Variants in CBR4 observed in about 807,000 individuals in gnomAD.
The protein encoded by CBR4 is 3-oxoacyl-[acyl-carrier-protein] reductase.
A neutral mutation model predicts 21.0 loss-of-function variants in CBR4; 22 were observed. The ratio of observed to expected loss-of-function variants is 1.05; its 90% CI spans 0.75 to 1.50. The LOEUF (loss-of-function observed/expected upper bound fraction) is 1.50. CBR4 is among the 40% of genes most tolerant of loss of function. The pLI is 0.00. For missense variants in CBR4, 302 were observed against 286.3 expected, an observed-to-expected ratio of 1.05 and a Z score of -0.40; for synonymous variants, 100 against 104.4, an observed-to-expected ratio of 0.96 and a Z score of 0.26.
At chr4:168,898,761 G>C (rs760364385) in intron 2 of CBR4, 17 of 1,280,814 alleles carry the variant, frequency 1.3e-5, no homozygotes, top group African/African-American at 2.9e-5. Context: ...TCTGAGGAAA[G>C]GTTTAGCTTC....
chr4:168,971,640 T>TA (rs1202954656), intron 2 of CBR4, among the ~76,000 whole-genome samples: 1 of 152,024 alleles, frequency 6.6e-6, no homozygotes, highest in Non-Finnish European at 1.5e-5. Context: ...CACTTTATGA[T>TA]AGGATTATTT....
chr4:168,969,588 A>C (rs1560969785), intron 2 of CBR4, among the ~76,000 whole-genome samples: 1 of 152,216 alleles, frequency 6.6e-6, no homozygotes, highest in Non-Finnish European at 1.5e-5. Flanking sequence ...AGTGGGACTC[A>C]ACCTGCCACT....
At chr4:168,958,044 C>A (rs1293059860) in intron 2 of CBR4, among the ~76,000 whole-genome samples, 1 of 152,102 alleles carries the variant, frequency 6.6e-6, no homozygotes, top group Non-Finnish European at 1.5e-5. Flanking sequence ...TTATAAATTA[C>A]CCACGAGGTC....
chr4:168,966,211 T>A (rs1327345710), intron 2 of CBR4, among the ~76,000 whole-genome samples: 1 of 152,034 alleles, frequency 6.6e-6, no homozygotes, highest in Non-Finnish European at 1.5e-5. Context: ...CTCATGCCAG[T>A]TAGAATGGCG....
Position 168,918,325 on chromosome 4 carries a change from G to GAGAGAT in CBR4, n.170-23561_170-23560insATCTCT, listed in dbSNP as rs1553981956. ...AGATGAATGAATAAAGAAAATATGAGATATATATATATATACATACATACA... is the reference window on the plus strand; with the variant it reads ...AGATGAATGAATAAAGAAAATATGAGAGAGATATATATATATATATACATACATACA... On this transcript the variant is annotated intron_variant and non_coding_transcript_variant, in intron 2 of 3. Transcript: ENST00000509108. Among the ~76,000 whole-genome samples the GAGAGAT allele has an allele frequency of 1.7e-3, 251 of 149,558 alleles. 2 individuals carry two copies. The highest frequency in any genetic ancestry group is 5.9e-3 in the African/African-American group (243 of 41,010).
At chr4:168,944,925 G>A (rs1303166923) in intron 2 of CBR4, among the ~76,000 whole-genome samples, 1 of 152,148 alleles carries the variant, frequency 6.6e-6, no homozygotes, top group Non-Finnish European at 1.5e-5. Context: ...GACATTTCAT[G>A]ACTTCATTTG....
chr4:168,916,709 TCTCA>T (rs1178405844), intron 2 of CBR4, among the ~76,000 whole-genome samples: 1 of 135,386 alleles, frequency 7.4e-6, no homozygotes, highest in Non-Finnish European at 1.5e-5. Flanking sequence ...TGAGACAGAG[TCTCA>T]CTCTGTCACC....
At chr4:168,964,575 A>G (rs958009004) in intron 2 of CBR4, among the ~76,000 whole-genome samples, 1 of 152,208 alleles carries the variant, frequency 6.6e-6, no homozygotes, top group Non-Finnish European at 1.5e-5. Context: ...AACCACACAG[A>G]AGTCACTATC....
chr4:168,981,970 C>G (rs1013550526), intron 2 of CBR4, among the ~76,000 whole-genome samples: 12 of 152,170 alleles, frequency 7.9e-5, no homozygotes, highest in African/African-American at 2.7e-4. Flanking sequence ...CACTCAAGTA[C>G]ACACTCTATT....
downstream of CBR4, among the ~76,000 whole-genome samples, chr4:168,984,204 G>C (rs1005645229): frequency 2.0e-5 from 3 of 151,890 alleles, no homozygotes; most frequent in Non-Finnish European, 4.4e-5. Flanking sequence ...ACATCTTCTG[G>C]AAAGTTTCAG....
rs148763609 is a variant in CBR4, at chr4:168,929,765, C to A, written n.170-35000G>T. Among the ~76,000 whole-genome samples the A allele has an allele frequency of 5.3e-3, 803 of 152,258 alleles. 3 individuals are homozygous for A. Among genetic ancestry groups the A allele is most frequent in the Middle Eastern group, 0.034 (10 of 294 alleles). On this transcript the variant is annotated intron_variant and non_coding_transcript_variant, in intron 2 of 3. Coordinates refer to the CBR4 transcript ENST00000509108. ...TTGGAAAATGGAGATTAAAATAGCACCCCTCTCTTTGTGCTGCTGTGAAGA... is the reference window on the plus strand; with the variant it reads ...TTGGAAAATGGAGATTAAAATAGCAACCCTCTCTTTGTGCTGCTGTGAAGA...
intron 2 of CBR4, chr4:168,913,824 T>C: frequency 1.2e-6 from 1 of 850,440 alleles, no homozygotes; most frequent in East Asian, 2.5e-5. Flanking sequence ...TACTGAATTT[T>C]TTATGAAATA....
chr4:168,974,065 T>TTTTC (rs1764295784), intron 2 of CBR4, among the ~76,000 whole-genome samples: 1 of 152,218 alleles, frequency 6.6e-6, no homozygotes, highest in African/African-American at 2.4e-5. Flanking sequence ...TATTTCAAGA[T>TTTTC]TTTCTTTCAA....
intron 2 of CBR4, among the ~76,000 whole-genome samples, chr4:168,919,610 G>A (rs913358502): frequency 4.0e-4 from 60 of 151,882 alleles, no homozygotes; most frequent in Admixed American, 7.9e-4. Flanking sequence ...TTTGAAAGGG[G>A]AAAAAATCCT....
chr4:168,940,313 G>A (rs1763227470), intron 2 of CBR4, among the ~76,000 whole-genome samples: 2 of 152,160 alleles, frequency 1.3e-5, no homozygotes, highest in Admixed American at 1.3e-4. Flanking sequence ...AGACTGAAAT[G>A]TAAGACCTAA....
At chr4:168,937,408 G>A (rs1053172304) in intron 2 of CBR4, among the ~76,000 whole-genome samples, 3 of 151,854 alleles carry the variant, frequency 2.0e-5, no homozygotes, top group Non-Finnish European at 2.9e-5. Context: ...ATCAACTAAC[G>A]GGCAAAATAA....
chr4:168,916,091 A>G (rs543534073), intron 2 of CBR4: 46 of 1,479,752 alleles, frequency 3.1e-5, no homozygotes, highest in Non-Finnish European at 4.0e-5. Context: ...CCATTTCTCT[A>G]TAGTTCCTTT....
downstream of CBR4, among the ~76,000 whole-genome samples, chr4:168,985,520 C>T (rs1764661271): frequency 6.6e-6 from 1 of 152,160 alleles, no homozygotes; most frequent in East Asian, 1.9e-4. Context: ...CCATTTGATT[C>T]AGCAATCCCA....
chr4:168,949,165 T>C lies in CBR4; in HGVS notation n.169+52906A>G, dbSNP rs1215485733. ...TTGAGTTCTTGATTTGATTCTCTGC[T>C]TGGTTGTTTTTGGTGTGTAGAAGAG... On this transcript the variant is annotated intron_variant and non_coding_transcript_variant, in intron 2 of 3. Coordinates refer to the CBR4 transcript ENST00000509108. 2.6e-5 allele frequency among the ~76,000 whole-genome samples: 4 copies of C among 152,100 alleles called. No individual in the cohort carries two copies. In the East Asian group the frequency reaches 7.7e-4, roughly 29 times the overall value.
Sources: allele counts gnomAD v4.1 joint callset (sites outside exome capture counted in the v4.1 genomes callset), GRCh38; gene constraint gnomAD v4.1.1; transcripts MANE v1.5; gene names NCBI Gene and HGNC (gene_info 2026-07-23, HGNC 2026-07-21).